SLAMF8: variants seen among roughly 807,000 people sequenced by gnomAD.
SLAMF8 encodes the protein B lymphocyte activator macrophage expressed.
A neutral mutation model predicts 29.0 loss-of-function variants in SLAMF8; 23 were observed. The ratio of observed to expected loss-of-function variants is 0.79; its 90% CI spans 0.57 to 1.13. The LOEUF is 1.13. SLAMF8 is among the 50% of genes most tolerant of loss of function. The pLI is 0.00. For missense variants in SLAMF8, 381 were observed against 353.1 expected (o/e 1.08, Z -0.63); for synonymous variants, 139 against 145.6 (o/e 0.96, Z 0.32).
rs1018565070 is a variant in SLAMF8 at position 159,832,967 on chromosome 1, G to A, written c.459G>A (p.Trp153Ter). 6.2e-7 allele frequency: 1 copy of A among 1,614,186 alleles called. No homozygotes were observed. Among genetic ancestry groups the A allele is most frequent in the Non-Finnish European group, 8.5e-7 (1 of 1,180,034 alleles). Residue 153 changes from tryptophan to a stop codon, truncating the protein, a stop_gained, in exon 3 of 5, where the codon TGG becomes TGA. Transcript: ENST00000289707. LOFTEE classifies it high-confidence loss of function. ...CCTGCCAGGTTTTCTTGTCCTGTTG[G>A]GCCCCCAACATCAGCGAAATAACCT... ...SKTCQVFLSC[W>*]APNISEITYS...
rs758754316 is a variant in SLAMF8, at chr1:159,833,385, G to T, written c.781+16G>T. 10 of 1,613,784 alleles carry T rather than the reference G, an allele frequency of 6.2e-6. No homozygotes were observed. The African/African-American group carries it at 6.7e-5, about 11-fold the overall frequency. ...CCCTGCTCAGGTAGGAGTCCTGCAG[G>T]TGCAGGAGGTAGGTGGAGGAAGTGG... On this transcript the variant is annotated intron_variant, in intron 4 of 4. Transcript: ENST00000289707.
intron 2 of SLAMF8, among the ~76,000 whole-genome samples, chr1:159,830,807 T>C (rs2101788630): frequency 6.6e-6 from 1 of 152,342 alleles, no homozygotes; most frequent in Non-Finnish European, 1.5e-5. Context: ...AGATCTTAAC[T>C]ATATATGATT....
chr1:159,836,395 T>G lies in SLAMF8; in HGVS notation c.*1135T>G. The G allele has an allele frequency of 1.0e-6, 1 of 985,470 alleles. No homozygotes were observed. Among genetic ancestry groups the G allele is most frequent in the Non-Finnish European group, 1.2e-6 (1 of 829,952 alleles). 61.0% of individuals were successfully genotyped at this position (985,470 alleles called of 1,614,324 possible). On this transcript the variant is annotated 3_prime_UTR_variant, in exon 5 of 5. Transcript: ENST00000289707. ...GAAAATACATTCTGCCCCTGAATGA[T>G]TCTGTCTAGAAAAGCTCTGGAGTAT...
intron 2 of SLAMF8, among the ~76,000 whole-genome samples, chr1:159,831,105 G>C (rs538710113): frequency 2.6e-5 from 4 of 152,314 alleles, no homozygotes; most frequent in South Asian, 4.1e-4. Context: ...TCAAGAAAGA[G>C]TGGCTTTCAG....
intron 1 of SLAMF8, among the ~76,000 whole-genome samples, chr1:159,829,133 T>C (rs1647282950): frequency 6.6e-6 from 1 of 152,182 alleles, no homozygotes; most frequent in African/African-American, 2.4e-5. Flanking sequence ...CAATTCAAGT[T>C]GCCGTCACTT....
chr1:159,832,668 T>C (rs1647569317), intron 2 of SLAMF8, among the ~76,000 whole-genome samples: 1 of 152,240 alleles, frequency 6.6e-6, no homozygotes, highest in Non-Finnish European at 1.5e-5. Context: ...GCTGGAGAGA[T>C]GGGCATGAAT....
In SLAMF8 at chr1:159,833,323, G is replaced by A. The variant is rs142449380; in HGVS notation, c.735G>A (p.Leu245=). The A allele has an allele frequency of 4.8e-5, 78 of 1,614,186 alleles. No homozygotes were observed. The African/African-American group carries it at 9.2e-4, about 19-fold the overall frequency. ...LLVVVPVSLL[L]MLVTLFSAWH... ...TGGTGGTGCCTGTCTCGCTGCTCCT[G>A]ATGCTGGTTACTCTCTTCTCTGCCT... Residue 245 remains leucine (L), a synonymous_variant, in exon 4 of 5, where the codon CTG becomes CTA. Transcript: ENST00000289707.
intron 4 of SLAMF8, 131 bp from the exon 5 acceptor site, chr1:159,835,053 C>A: frequency 1.3e-6 from 1 of 769,570 alleles, no homozygotes; most frequent in South Asian, 1.9e-5. Context: ...GTTGGAAGAC[C>A]AGGAGAAATG....
At chr1:159,829,267 T>C (rs1647295879) in intron 1 of SLAMF8, among the ~76,000 whole-genome samples, 1 of 152,196 alleles carries the variant, frequency 6.6e-6, no homozygotes, top group African/African-American at 2.4e-5. Flanking sequence ...AAAACCTACC[T>C]GAGACGCCCC....
chr1:159,828,616 A>G (rs1015066411), intron 1 of SLAMF8, among the ~76,000 whole-genome samples: 4 of 152,162 alleles, frequency 2.6e-5, no homozygotes, highest in Admixed American at 2.6e-4. Context: ...TGGGCACTGG[A>G]AGCAAACGAT....
rs201087347 is a variant in SLAMF8 at position 159,833,208 on chromosome 1, T to C, written c.673+27T>C. ...TATGCTAAGGGCCAGCAGTCAGTGG[T>C]TGAGGGCTTATGAAGCATCAAGTCC... On this transcript the variant is annotated intron_variant, in intron 3 of 4. Coordinates refer to ENST00000289707, the MANE Select transcript of SLAMF8 (RefSeq NM_020125.3). 4 of 1,614,110 alleles carry C rather than the reference T, an allele frequency of 2.5e-6. No homozygotes were observed. The African/African-American group carries it at 4.0e-5, about 16-fold the overall frequency.
Position 159,829,715 on chromosome 1 carries a change from T to C in SLAMF8, c.41-151T>C, listed in dbSNP as rs1647327977. 1.0e-5 allele frequency: 7 copies of C among 694,174 alleles called. No homozygotes were observed. In the South Asian group the frequency reaches 1.4e-4, roughly 14 times the overall value. The allele number at this position is 694,174 out of a possible 1,614,324, so 43.0% of individuals were successfully genotyped here. ...GACTGGGGTTATCTTCCATATGTTT[T>C]ATCCCTGGTACCTAGCACAGTGCAA... On this transcript the variant is annotated intron_variant, in intron 1 of 4. Transcript: ENST00000289707.
At chr1:159,827,159 T>C (rs1663674446) in intron 1 of SLAMF8, among the ~76,000 whole-genome samples, 1 of 152,128 alleles carries the variant, frequency 6.6e-6, no homozygotes, top group Admixed American at 6.5e-5. Context: ...TTGAGGGGTA[T>C]TCTTATCTGT....
Position 159,835,192 on chromosome 1 carries a change from A to C in SLAMF8, c.790A>C (p.Lys264Gln). Residue 264 changes from lysine to glutamine, a missense_variant, in exon 5 of 5, where the codon AAA (lysine) becomes CAA (glutamine). Coordinates refer to ENST00000289707, the MANE Select transcript of SLAMF8 (RefSeq NM_020125.3). ...WHWCPCSGKKKKDVHADRVGP... is the reference protein window; with the variant it reads ...WHWCPCSGKKQKDVHADRVGP... ...TCTGATGTCCTTACCAGGGAAAAAG[A>C]AAAAGGATGTCCATGCTGACAGAGT... 6 of 1,613,736 alleles carry C rather than the reference A, an allele frequency of 3.7e-6. No individual in the cohort carries two copies. Among genetic ancestry groups the C allele is most frequent in the Non-Finnish European group, 5.1e-6 (6 of 1,179,830 alleles).
Position 159,835,951 on chromosome 1 carries a change from G to C in SLAMF8, c.*691G>C, listed in dbSNP as rs547191155. 16 of 985,410 alleles carry C rather than the reference G, an allele frequency of 1.6e-5. 1 individual carries two copies. In the Admixed American group the frequency reaches 9.2e-4, roughly 57 times the overall value. The allele number at this position is 985,410 out of a possible 1,614,324, so 61.0% of individuals were successfully genotyped here. On this transcript the variant is annotated 3_prime_UTR_variant, in exon 5 of 5. Coordinates refer to ENST00000289707, the MANE Select transcript of SLAMF8 (RefSeq NM_020125.3). ...GGTTGAGATGGGCACCGTTTTGCAG[G>C]AAACACCATATTAATAGACATCCTC...
intron 1 of SLAMF8, among the ~76,000 whole-genome samples, chr1:159,829,209 T>C (rs1456390576): frequency 6.6e-6 from 1 of 152,228 alleles, no homozygotes; most frequent in African/African-American, 2.4e-5. Flanking sequence ...ACATCCCTGC[T>C]GGAGTGATCT....
At chr1:159,834,997 T>C (rs1647803858) in intron 4 of SLAMF8, 187 bp from the exon 5 acceptor site, 2 of 586,060 alleles carry the variant, frequency 3.4e-6, no homozygotes, top group South Asian at 4.4e-5. Flanking sequence ...CAAGGTTAGA[T>C]ACTAGGAAGA....
chr1:159,837,175 T>C lies in SLAMF8; in HGVS notation c.*1915T>C. On this transcript the variant is annotated 3_prime_UTR_variant, in exon 5 of 5. Transcript: ENST00000289707. ...ACTCTTAGCAACCTCATTTCGACAG[T>C]GGTTTGTAGCGTGGTGCACCAGGGC... 1.0e-6 allele frequency: 1 copy of C among 985,424 alleles called. No homozygotes were observed. Among genetic ancestry groups the C allele is most frequent in the Non-Finnish European group, 1.2e-6 (1 of 829,948 alleles). 61.0% of individuals were successfully genotyped at this position (985,424 alleles called of 1,614,324 possible).
chr1:159,830,956 C>T (rs1435933380), intron 2 of SLAMF8, among the ~76,000 whole-genome samples: 3 of 152,300 alleles, frequency 2.0e-5, no homozygotes, highest in South Asian at 4.1e-4. Context: ...TCGCATGGGT[C>T]TGCAGAGCCA....
Sources: allele counts gnomAD v4.1 joint callset (sites outside exome capture counted in the v4.1 genomes callset), GRCh38; gene constraint gnomAD v4.1.1; transcripts MANE v1.5; gene names NCBI Gene and HGNC (gene_info 2026-07-23, HGNC 2026-07-21).